GRID2: variants seen among roughly 807,000 people sequenced by gnomAD.
The protein encoded by GRID2 is glutamate ionotropic receptor delta type subunit 2.
GRID2 carries 33 observed loss-of-function variants against 114.8 expected under a neutral mutation model. The ratio of observed to expected loss-of-function variants is 0.29; its 90% CI spans 0.22 to 0.38. The LOEUF is 0.38. Among genes scored for constraint, GRID2 ranks in the 10% least tolerant of loss-of-function variants. The pLI is 1.00. For synonymous variants in GRID2, 505 were observed against 449.9 expected (o/e 1.12, Z -1.55); for missense variants, 1,184 against 1,257.7 (o/e 0.94, Z 0.89).
chr4:92,586,287 G>T (rs1217329505), intron 1 of GRID2, among the ~76,000 whole-genome samples: 2 of 151,504 alleles, frequency 1.3e-5, no homozygotes, highest in Non-Finnish European at 3.0e-5. Context: ...AGGCATATTT[G>T]TGAATGTATT....
At chr4:93,065,247 T>C (rs1728198582) in intron 2 of GRID2, among the ~76,000 whole-genome samples, 1 of 151,910 alleles carries the variant, frequency 6.6e-6, no homozygotes, top group Admixed American at 6.6e-5. Flanking sequence ...AGAGATTATA[T>C]TTAAAAGTTA....
intron 14 of GRID2, among the ~76,000 whole-genome samples, chr4:93,711,156 C>T (rs369287609): frequency 6.6e-6 from 1 of 152,050 alleles, no homozygotes; most frequent in Non-Finnish European, 1.5e-5. Context: ...ATTTTCATGG[C>T]TTTCCCACCT....
chr4:93,646,711 GT>G, intron 14 of GRID2, among the ~76,000 whole-genome samples: 1 of 152,152 alleles, frequency 6.6e-6, no homozygotes, highest in African/African-American at 2.4e-5. Flanking sequence ...GAGAGAGAGG[GT>G]GATGACTCAG....
At chr4:93,208,118 C>G (rs1743024201) in intron 5 of GRID2, among the ~76,000 whole-genome samples, 1 of 151,838 alleles carries the variant, frequency 6.6e-6, no homozygotes, top group Admixed American at 6.6e-5. Flanking sequence ...TACATTTTTC[C>G]TCAACAAGAT....
At chr4:93,297,988 T>C (rs148393658) in intron 8 of GRID2, among the ~76,000 whole-genome samples, 53 of 152,328 alleles carry the variant, frequency 3.5e-4, no homozygotes, top group African/African-American at 1.3e-3. Context: ...ATTTAAGTCC[T>C]AGACTTTGGC....
intron 2 of GRID2, among the ~76,000 whole-genome samples, 200 bp downstream of exon 2, chr4:92,590,486 A>C (rs1728659435): frequency 6.6e-6 from 1 of 152,144 alleles, no homozygotes; most frequent in African/African-American, 2.4e-5. Flanking sequence ...AAGTTATTAT[A>C]TTAATTGAAA....
intron 11 of GRID2, among the ~76,000 whole-genome samples, chr4:93,474,578 C>G (rs1725145320): frequency 6.6e-6 from 1 of 152,036 alleles, no homozygotes; most frequent in African/African-American, 2.4e-5. Flanking sequence ...CCTATTTATT[C>G]TAGTCATTGA....
chr4:93,237,978 G>A (rs1270978527), intron 7 of GRID2, among the ~76,000 whole-genome samples: 1 of 151,788 alleles, frequency 6.6e-6, no homozygotes, highest in Non-Finnish European at 1.5e-5. Context: ...GAAGATTGTT[G>A]AAATCTATCT....
chr4:93,159,838 G>T (rs999392171), intron 4 of GRID2, among the ~76,000 whole-genome samples: 2 of 150,850 alleles, frequency 1.3e-5, no homozygotes, highest in Non-Finnish European at 1.5e-5. Flanking sequence ...ACAAGATGGG[G>T]GTAGGATAAT....
At chr4:93,513,228 C>A (rs1729371284) in intron 12 of GRID2, among the ~76,000 whole-genome samples, 1 of 152,146 alleles carries the variant, frequency 6.6e-6, no homozygotes, top group Admixed American at 6.6e-5. Flanking sequence ...AGAAACTGAA[C>A]AAACGAGTAT....
intron 1 of GRID2, among the ~76,000 whole-genome samples, chr4:92,537,155 T>A (rs1378168277): frequency 1.3e-5 from 2 of 152,190 alleles, no homozygotes; most frequent in African/African-American, 4.8e-5. Context: ...ATTTTACAAC[T>A]TTTTTCTTGA....
chr4:92,444,365 C>G (rs1733320139), intron 1 of GRID2, among the ~76,000 whole-genome samples: 1 of 144,774 alleles, frequency 6.9e-6, no homozygotes, highest in African/African-American at 2.7e-5. Context: ...ACGAAAATTA[C>G]AGTCAAAGGG....
Position 93,739,466 on chromosome 4 carries a change from A to G in GRID2, c.2361-29744A>G, listed in dbSNP as rs1385504085. Among the ~76,000 whole-genome samples, 5 of 152,096 alleles carry G rather than the reference A, an allele frequency of 3.3e-5. No homozygotes were observed. The East Asian group carries it at 9.6e-4, about 29-fold the overall frequency. On this transcript the variant is annotated intron_variant, in intron 14 of 15. Coordinates refer to ENST00000282020, the MANE Select transcript of GRID2 (RefSeq NM_001510.4). Reference sequence around the variant, plus strand: ...AGGGCCCATGTTACTTATAGCTGCAAATTGGCCCACTGGATATAAAAATTC... The same window carrying G: ...AGGGCCCATGTTACTTATAGCTGCAGATTGGCCCACTGGATATAAAAATTC...
chr4:92,916,536 G>C (rs537025750), intron 2 of GRID2, among the ~76,000 whole-genome samples: 2 of 151,464 alleles, frequency 1.3e-5, no homozygotes, highest in East Asian at 1.9e-4. Flanking sequence ...ACAGGCCCTC[G>C]TGTGTGATGT....
chr4:92,667,113 C>T (rs1732829159), intron 2 of GRID2, among the ~76,000 whole-genome samples: 1 of 151,546 alleles, frequency 6.6e-6, no homozygotes, highest in Non-Finnish European at 1.5e-5. Context: ...GTGATACTAA[C>T]CAAAATCTTC....
At chr4:93,285,251 T>G (rs1290449729) in intron 8 of GRID2, among the ~76,000 whole-genome samples, 2 of 152,100 alleles carry the variant, frequency 1.3e-5, no homozygotes, top group African/African-American at 4.8e-5. Flanking sequence ...TTAAGTTCCT[T>G]TAAAGACCAA....
At chr4:93,018,113 T>G (rs1722940631) in intron 2 of GRID2, among the ~76,000 whole-genome samples, 1 of 151,588 alleles carries the variant, frequency 6.6e-6, no homozygotes, top group South Asian at 2.1e-4. Flanking sequence ...GAGAGATAGA[T>G]ATAATGGATA....
At chr4:92,723,718 CA>C (rs1735921810) in intron 2 of GRID2, among the ~76,000 whole-genome samples, 1 of 152,046 alleles carries the variant, frequency 6.6e-6, no homozygotes, top group African/African-American at 2.4e-5. Context: ...AGGATGTAGC[CA>C]CTTTCCCTGG....
intron 2 of GRID2, among the ~76,000 whole-genome samples, chr4:92,779,817 T>C (rs756637618): frequency 2.6e-5 from 4 of 152,152 alleles, no homozygotes; most frequent in Non-Finnish European, 4.4e-5. Context: ...AAAATACACA[T>C]TGGATTGTTA....
Sources: allele counts gnomAD v4.1 joint callset (sites outside exome capture counted in the v4.1 genomes callset), GRCh38; gene constraint gnomAD v4.1.1; transcripts MANE v1.5; gene names NCBI Gene and HGNC (gene_info 2026-07-23, HGNC 2026-07-21).